The following KALRN variants were observed in gnomAD, a reference collection of about 807,000 sequenced individuals.
KALRN encodes kalirin.
In KALRN, 70 loss-of-function variants were observed where a neutral mutation model predicts 353.7. The observed-to-expected ratio is 0.20, with a 90% CI of 0.16 to 0.24. The LOEUF is 0.24. Among genes scored for constraint, KALRN ranks in the 10% least tolerant of loss-of-function variants. The probability of loss-of-function intolerance (pLI) is 1.00; values close to 1 mark genes in which losing one functional copy is unlikely to be tolerated. For missense variants in KALRN, 2,791 were observed against 3,756.7 expected, an observed-to-expected ratio of 0.74 and a Z score of 6.72; for synonymous variants, 1,391 against 1,434.8, an observed-to-expected ratio of 0.97 and a Z score of 0.69.
chr3:124,324,941 T>C (rs1166564555), intron 6 of KALRN, among the ~76,000 whole-genome samples: 1 of 152,220 alleles, frequency 6.6e-6, no homozygotes, highest in South Asian at 2.1e-4. Context: ...TCCTCCTTCA[T>C]GCAGACATTG....
chr3:124,303,179 A>T (rs930604010), intron 6 of KALRN, among the ~76,000 whole-genome samples: 1 of 152,242 alleles, frequency 6.6e-6, no homozygotes, highest in Non-Finnish European at 1.5e-5. Flanking sequence ...ATCCTACTAA[A>T]TATGGTACAT....
chr3:124,264,659 C>T lies in KALRN; in HGVS notation c.425C>T (p.Thr142Ile). ...KPDNFWQKQK[T>I]NFGSSKFIFE... is the part of the protein sequence containing the mutation. Reference sequence around the variant, plus strand: ...GACAACTTCTGGCAGAAACAGAAGACCAACTTTGGCAGCTCCAAATTCATC... The same window carrying T: ...GACAACTTCTGGCAGAAACAGAAGATCAACTTTGGCAGCTCCAAATTCATC... Residue 142 changes from threonine (T) to isoleucine (I), a missense_variant, in exon 4 of 60, where the codon ACC becomes ATC. Coordinates refer to ENST00000682506, the MANE Select transcript of KALRN (RefSeq NM_001388419.1). 6.2e-7 allele frequency: 1 copy of T among 1,614,172 alleles called. No homozygotes were observed. The highest frequency in any genetic ancestry group is 8.5e-7 in the Non-Finnish European group (1 of 1,180,010).
intron 1 of KALRN, among the ~76,000 whole-genome samples, chr3:124,202,765 C>G (rs935201156): frequency 1.3e-5 from 2 of 152,168 alleles, no homozygotes; most frequent in African/African-American, 2.4e-5. Flanking sequence ...TGCTTCATCA[C>G]CTTTTCTTCA....
At chr3:124,512,379 C>T (rs1461965263) in intron 33 of KALRN, among the ~76,000 whole-genome samples, 9 of 152,112 alleles carry the variant, frequency 5.9e-5, no homozygotes, top group Non-Finnish European at 1.2e-4. Flanking sequence ...TGGCCAGGTG[C>T]GGTGGCTTAC....
chr3:124,692,162 GC>G (rs1266328033), intron 51 of KALRN, among the ~76,000 whole-genome samples: 1 of 152,230 alleles, frequency 6.6e-6, no homozygotes, highest in Non-Finnish European at 1.5e-5. Flanking sequence ...CCAGGCATTA[GC>G]CTCTCGTGTT....
At chr3:124,492,972 G>A (rs1025737474) in intron 32 of KALRN, 90 bp downstream of exon 32, 77 of 1,477,946 alleles carry the variant, frequency 5.2e-5, no homozygotes, top group Non-Finnish European at 6.9e-5. Flanking sequence ...AGGGGGATGT[G>A]CCCAGCAGGT....
At chr3:124,580,093 C>A (rs2074477379) in intron 34 of KALRN, among the ~76,000 whole-genome samples, 1 of 152,216 alleles carries the variant, frequency 6.6e-6, no homozygotes, top group African/African-American at 2.4e-5. Context: ...TCTGTACCAA[C>A]AACATCAGCA....
chr3:124,234,187 A>G (rs1208945520), intron 2 of KALRN, among the ~76,000 whole-genome samples: 2 of 152,216 alleles, frequency 1.3e-5, no homozygotes, highest in Non-Finnish European at 2.9e-5. Flanking sequence ...GACCTTGAGC[A>G]TTCTGATTTC....
chr3:124,383,329 C>T (rs1154799), intron 10 of KALRN, among the ~76,000 whole-genome samples: 26,036 of 152,184 alleles, frequency 0.17, 2,291 homozygotes, highest in Admixed American at 0.2. Flanking sequence ...CAAAGCACCA[C>T]GAGACTGTGA....
intron 34 of KALRN, among the ~76,000 whole-genome samples, chr3:124,580,875 A>AG (rs1256867211): frequency 6.6e-6 from 1 of 151,930 alleles, no homozygotes; most frequent in East Asian, 1.9e-4. Context: ...TGGGAGGCCG[A>AG]GGGGGGCAGA....
intron 3 of KALRN, among the ~76,000 whole-genome samples, chr3:124,249,275 G>A (rs1162058311): frequency 6.6e-6 from 1 of 152,132 alleles, no homozygotes; most frequent in Non-Finnish European, 1.5e-5. Flanking sequence ...GTCTGGTTAA[G>A]GTTTCAGAAT....
chr3:124,312,044 T>C (rs902479294), intron 6 of KALRN, among the ~76,000 whole-genome samples: 16 of 152,344 alleles, frequency 1.1e-4, no homozygotes, highest in African/African-American at 2.9e-4. Flanking sequence ...GAGTTTCTTT[T>C]TGAGACAATG....
Position 124,368,318 on chromosome 3 carries a change from G to A in KALRN, c.1771-16527G>A, listed in dbSNP as rs535487464. On this transcript the variant is annotated intron_variant, in intron 10 of 59. Coordinates refer to ENST00000682506, the MANE Select transcript of KALRN (RefSeq NM_001388419.1). ...TCACTTCCCAGATGGGGTGGCTGCC[G>A]GGCGGAGGGGCTCCTCATTTCTCAG... Among the ~76,000 whole-genome samples the A allele has an allele frequency of 1.5e-3, 229 of 149,190 alleles. 6 individuals carry two copies. In the East Asian group the frequency reaches 0.042, roughly 27 times the overall value.
intron 17 of KALRN, among the ~76,000 whole-genome samples, chr3:124,435,706 A>G (rs1351212150): frequency 1.3e-5 from 2 of 152,206 alleles, no homozygotes; most frequent in Admixed American, 6.5e-5. Context: ...CTTCAGAGGA[A>G]TGACTCCTTT....
intron 37 of KALRN, among the ~76,000 whole-genome samples, chr3:124,643,291 G>GAT (rs1265256456): frequency 6.6e-6 from 1 of 151,888 alleles, no homozygotes; most frequent in Non-Finnish European, 1.5e-5. Flanking sequence ...AGGATTGCAG[G>GAT]TGTGAGCCAC....
At chr3:124,220,752 T>C (rs922163428) in intron 1 of KALRN, among the ~76,000 whole-genome samples, 11 of 152,204 alleles carry the variant, frequency 7.2e-5, no homozygotes, top group Non-Finnish European at 1.5e-5. Flanking sequence ...CCCAGGAGGT[T>C]ACCCACAAAC....
At position 124,725,449 on chromosome 3, in the gene KALRN, G is replaced by T; in HGVS notation, c.*5979G>T. ...AACAGTAGTGATCAAAGTGCAAACTGTTGGAAAATATGGATATATGTACAT... is the reference window on the plus strand; with the variant it reads ...AACAGTAGTGATCAAAGTGCAAACTTTTGGAAAATATGGATATATGTACAT... On this transcript the variant is annotated 3_prime_UTR_variant, in exon 60 of 60. Transcript: ENST00000682506. The T allele has an allele frequency of 6.6e-6, 1 of 152,196 alleles. No homozygotes were observed. The highest frequency in any genetic ancestry group is 1.9e-4 in the East Asian group (1 of 5,200). 9.4% of individuals were successfully genotyped at this position (152,196 alleles called of 1,614,324 possible).
intron 12 of KALRN, 87 bp from the exon 13 acceptor site, chr3:124,398,610 C>A: frequency 7.5e-7 from 1 of 1,327,970 alleles, no homozygotes; most frequent in Non-Finnish European, 1.1e-6. Flanking sequence ...ATCCACCTTG[C>A]TCAGATGAGG....
rs74423066 is a variant in KALRN at position 124,412,615 on chromosome 3, A to G, written c.2347-855A>G. On this transcript the variant is annotated intron_variant, in intron 13 of 59. Transcript: ENST00000682506. ...TAGTCTCGATTTGCAGAAAACTGAG[A>G]GTAGACCCAGTGAAGTCATGTGAGT... 1.4e-3 allele frequency among the ~76,000 whole-genome samples: 213 copies of G among 152,368 alleles called. 1 individual carries two copies. The highest frequency in any genetic ancestry group is 4.8e-3 in the African/African-American group (200 of 41,584).
Sources: allele counts gnomAD v4.1 joint callset (sites outside exome capture counted in the v4.1 genomes callset), GRCh38; gene constraint gnomAD v4.1.1; transcripts MANE v1.5; gene names NCBI Gene and HGNC (gene_info 2026-07-23, HGNC 2026-07-21).